TSGA10: variants seen among roughly 807,000 people sequenced by gnomAD.
TSGA10 encodes the protein testis specific 10.
A neutral mutation model predicts 96.6 loss-of-function variants in TSGA10; 43 were observed. The ratio of observed to expected loss-of-function variants is 0.44; its 90% CI spans 0.35 to 0.57. The LOEUF (loss-of-function observed/expected upper bound fraction) is 0.57. Ranked by LOEUF, TSGA10 falls within the 20% of genes least tolerant of loss-of-function variation. The probability of loss-of-function intolerance (pLI) is 0.01; values close to 1 mark genes in which losing one functional copy is unlikely to be tolerated. For synonymous variants in TSGA10, 229 were observed against 269.9 expected (o/e 0.85, Z 1.48); for missense variants, 703 against 834.4 (o/e 0.84, Z 1.94).
At chr2:99,029,647 T>C (rs989875889) in intron 17 of TSGA10, among the ~76,000 whole-genome samples, 1 of 152,202 alleles carries the variant, frequency 6.6e-6, no homozygotes, top group East Asian at 1.9e-4. Flanking sequence ...AGAAAAATCA[T>C]TGGATCTTAT....
intron 10 of TSGA10, among the ~76,000 whole-genome samples, chr2:99,084,974 G>A (rs992215019): frequency 2.0e-5 from 3 of 151,710 alleles, no homozygotes; most frequent in Non-Finnish European, 2.9e-5. Flanking sequence ...CATCCAGGCC[G>A]GGAGCGGTGG....
chr2:99,062,592 T>A (rs1262698888), intron 16 of TSGA10, among the ~76,000 whole-genome samples: 2 of 152,004 alleles, frequency 1.3e-5, no homozygotes, highest in Non-Finnish European at 2.9e-5. Flanking sequence ...AAAAATTAGC[T>A]GGGTGTGGTG....
chr2:99,008,672 AG>A (rs759169992), intron 20 of TSGA10, among the ~76,000 whole-genome samples: 1 of 152,238 alleles, frequency 6.6e-6, no homozygotes, highest in Non-Finnish European at 1.5e-5. Flanking sequence ...TCCCACTTCT[AG>A]GAATTTATTC....
intron 20 of TSGA10, among the ~76,000 whole-genome samples, chr2:99,011,163 C>T (rs2078967797): frequency 6.6e-6 from 1 of 152,150 alleles, no homozygotes; most frequent in Non-Finnish European, 1.5e-5. Flanking sequence ...GTACTGGTAT[C>T]CATGCTGTTG....
chr2:99,140,789 C>T (rs1015965160), intron 1 of TSGA10, among the ~76,000 whole-genome samples: 1 of 152,130 alleles, frequency 6.6e-6, no homozygotes, highest in Non-Finnish European at 1.5e-5. Flanking sequence ...CGTTTCTAAA[C>T]TGAACAGTCT....
intron 1 of TSGA10, among the ~76,000 whole-genome samples, chr2:99,131,033 T>C (rs1358840092): frequency 1.3e-5 from 2 of 152,202 alleles, no homozygotes; most frequent in Non-Finnish European, 2.9e-5. Flanking sequence ...TTTTGATTAC[T>C]GTAGCCTTGT....
At chr2:99,059,582 T>G (rs2084424376) in intron 16 of TSGA10, among the ~76,000 whole-genome samples, 2 of 151,494 alleles carry the variant, frequency 1.3e-5, no homozygotes, top group African/African-American at 4.9e-5. Context: ...GAAGTTGCAG[T>G]GAGCCGAGAT....
intron 16 of TSGA10, among the ~76,000 whole-genome samples, chr2:99,059,154 C>T (rs2104422491): frequency 6.7e-6 from 1 of 149,468 alleles, no homozygotes; most frequent in Middle Eastern, 3.5e-3. Flanking sequence ...CGAGTGCAGC[C>T]TGGGTGACAG....
rs1170584942 is a variant in TSGA10, at chr2:99,141,060, C to G, written c.-621+13633G>C. 4 of 1,275,080 alleles carry G rather than the reference C, an allele frequency of 3.1e-6. No individual in the cohort carries two copies. The East Asian group carries it at 2.4e-4, about 78-fold the overall frequency. 79.0% of individuals were successfully genotyped at this position (1,275,080 alleles called of 1,614,324 possible). On this transcript the variant is annotated intron_variant, in intron 1 of 20. Coordinates refer to ENST00000393483, the MANE Select transcript of TSGA10 (RefSeq NM_025244.4). ...GTCCAGTAGCAGCACTCTCCCCACCCCGCGCACCTCCGCAGCTTCTACCTG... is the reference window on the plus strand; with the variant it reads ...GTCCAGTAGCAGCACTCTCCCCACCGCGCGCACCTCCGCAGCTTCTACCTG...
In TSGA10 at chr2:99,051,910, T is replaced by C. The variant is rs531081804; in HGVS notation, c.1404+13029A>G. 8.6e-5 allele frequency among the ~76,000 whole-genome samples: 13 copies of C among 150,742 alleles called. No homozygotes were observed. In the South Asian group the frequency reaches 2.7e-3, roughly 32 times the overall value. On this transcript the variant is annotated intron_variant, in intron 16 of 20. Coordinates refer to ENST00000393483, the MANE Select transcript of TSGA10 (RefSeq NM_025244.4). ...GACAAAGAAGAAATCAAAAGGAAAA[T>C]TGGAAAATACTTTGAGATTACTTAA...
chr2:99,128,244 T>A (rs901262480), intron 1 of TSGA10, among the ~76,000 whole-genome samples: 1 of 152,180 alleles, frequency 6.6e-6, no homozygotes, highest in African/African-American at 2.4e-5. Context: ...CTTTTTTCTC[T>A]TCTCTAAACA....
intron 15 of TSGA10, among the ~76,000 whole-genome samples, chr2:99,068,083 G>A (rs1317538584): frequency 6.6e-6 from 1 of 152,100 alleles, no homozygotes; most frequent in African/African-American, 2.4e-5. Flanking sequence ...AGGAAACCAC[G>A]TGCTTTTCCT....
intron 7 of TSGA10, among the ~76,000 whole-genome samples, chr2:99,108,026 C>G (rs2104833339): frequency 6.6e-6 from 1 of 152,268 alleles, no homozygotes; most frequent in South Asian, 2.1e-4. Context: ...CTTCTAGCCC[C>G]TTTCAGGGTA....
intron 10 of TSGA10, among the ~76,000 whole-genome samples, chr2:99,091,226 A>AT (rs1413108602): frequency 6.6e-6 from 1 of 152,180 alleles, no homozygotes; most frequent in Non-Finnish European, 1.5e-5. Context: ...ATGCAGAGAG[A>AT]ATATACCACT....
intron 12 of TSGA10, among the ~76,000 whole-genome samples, chr2:99,073,314 T>C (rs2086204535): frequency 6.6e-6 from 1 of 152,172 alleles, no homozygotes; most frequent in South Asian, 2.1e-4. Context: ...ATGAGATCAG[T>C]ATATCAAATT....
chr2:99,054,687 A>T (rs923321834), intron 16 of TSGA10, among the ~76,000 whole-genome samples: 12 of 152,198 alleles, frequency 7.9e-5, no homozygotes, highest in African/African-American at 2.4e-4. Flanking sequence ...ATGGGCAAAG[A>T]GCCTGAATAG....
intron 1 of TSGA10, among the ~76,000 whole-genome samples, chr2:99,133,695 A>G (rs1031340571): frequency 2.0e-5 from 3 of 152,076 alleles, no homozygotes; most frequent in African/African-American, 7.2e-5. Context: ...GGTCTTTACA[A>G]TTTGGTATGT....
At chr2:99,070,773 A>G (rs1180549260) in intron 14 of TSGA10, among the ~76,000 whole-genome samples, 1 of 152,152 alleles carries the variant, frequency 6.6e-6, no homozygotes, top group Non-Finnish European at 1.5e-5. Flanking sequence ...AAACTTTTAG[A>G]ATAGTTTTAG....
intron 2 of TSGA10, among the ~76,000 whole-genome samples, chr2:99,120,078 A>C (rs1217297688): frequency 6.6e-6 from 1 of 152,170 alleles, no homozygotes; most frequent in Non-Finnish European, 1.5e-5. Context: ...AGATGCATTA[A>C]AATCATTTAT....
Sources: gnomAD v4.1 joint callset for allele counts (sites outside exome capture counted in the v4.1 genomes callset) on GRCh38, gnomAD v4.1.1 for gene constraint, MANE v1.5 for transcripts, NCBI Gene and HGNC (gene_info 2026-07-23, HGNC 2026-07-21) for gene names.